Variants in MTMR3 observed in about 807,000 individuals in gnomAD.
The protein encoded by MTMR3 is myotubularin related protein 3.
Under a neutral mutation model 132.4 loss-of-function variants are expected in MTMR3, and 32 were observed. That is an observed-to-expected ratio of 0.24 (90% confidence interval 0.18 to 0.32). MTMR3 has a LOEUF of 0.32. Among genes scored for constraint, MTMR3 ranks in the 10% least tolerant of loss-of-function variants. MTMR3 has a pLI of 1.00. For missense variants in MTMR3, 1,216 were observed against 1,489.6 expected (o/e 0.82, Z 3.02); for synonymous variants, 556 against 550.3 (o/e 1.01, Z -0.14).
Position 30,026,667 on chromosome 22 carries a change from G to T in MTMR3, c.*866G>T, listed in dbSNP as rs147241655. On this transcript the variant is annotated 3_prime_UTR_variant, in exon 20 of 20. Transcript: ENST00000401950. ...AAGGCCAAAGCCTGCCCTGAGCCCA[G>T]ACACACCTGGGTCCCCATTCTGGGG... 6.7e-4 allele frequency: 102 copies of T among 152,974 alleles called. 1 individual carries two copies. In the East Asian group the frequency reaches 0.012, roughly 18 times the overall value. The allele number at this position is 152,974 out of a possible 1,614,324, so 9.5% of individuals were successfully genotyped here. A position where few individuals can be genotyped will look rare whatever the true frequency, so the allele number is the denominator to read the frequency against.
At chr22:29,906,047 G>T (rs186153665) in intron 1 of MTMR3, among the ~76,000 whole-genome samples, 6 of 152,086 alleles carry the variant, frequency 3.9e-5, no homozygotes, top group Admixed American at 3.9e-4. Context: ...TTGAGGTGGG[G>T]TTCTCATTGT....
rs200708562 is a variant in MTMR3 at position 29,988,553 on chromosome 22, A to G, written c.284A>G (p.Lys95Arg). The G allele has an allele frequency of 8.3e-5, 134 of 1,610,908 alleles. No individual in the cohort carries two copies. The highest frequency in any genetic ancestry group is 2.7e-4 in the East Asian group (12 of 44,790). Residue 95 changes from lysine to arginine, a missense_variant, in exon 6 of 20, where the codon AAA becomes AGA. Lys to Arg is a conservative substitution (Grantham distance 26). This residue lies in a region of MTMR3 where 129 missense variants were observed against 245.7 expected (regional missense o/e 0.53). Coordinates refer to ENST00000401950, the MANE Select transcript of MTMR3 (RefSeq NM_021090.4). ...CTTCATTTGACTTGCAAAGACTGCA[A>G]AGTTATCAGGTATGTGGTATGGTAT... ...FQLHLTCKDC[K>R]VIRCQFSTFE...
rs576368898 is a variant in MTMR3 at position 29,940,513 on chromosome 22, G to A, written c.-137-16523G>A. 5.3e-5 allele frequency among the ~76,000 whole-genome samples: 8 copies of A among 150,180 alleles called. No individual in the cohort carries two copies. The South Asian group carries it at 8.4e-4, about 16-fold the overall frequency. ...TGGTGGACTCTCTTCACACGGATGC[G>A]TGTGACAATGACTGTACTTTTAACA... On this transcript the variant is annotated intron_variant, in intron 1 of 19. Coordinates refer to ENST00000401950, the MANE Select transcript of MTMR3 (RefSeq NM_021090.4).
intron 1 of MTMR3, among the ~76,000 whole-genome samples, chr22:29,898,465 C>T (rs1348423895): frequency 2.0e-5 from 3 of 152,096 alleles, no homozygotes; most frequent in Non-Finnish European, 4.4e-5. Flanking sequence ...TGCAATGTTG[C>T]GATCACTGGT....
In MTMR3 at chr22:30,026,118, C is replaced by G. The variant is rs41171; in HGVS notation, c.*317C>G. ...GTAACTGCCGAGCTGCCTGCTGTCA[C>G]GTGACACTGAGGGATGGCTTGTTTC... is the stretch of plus-strand genomic sequence containing the variant. On this transcript the variant is annotated 3_prime_UTR_variant, in exon 20 of 20. Coordinates refer to ENST00000401950, the MANE Select transcript of MTMR3 (RefSeq NM_021090.4). 198,667 of 286,650 alleles carry G rather than the reference C, an allele frequency of 0.69. 70,835 individuals carry two copies. The highest frequency in any genetic ancestry group is 0.87 in the South Asian group (14,498 of 16,702). The allele number at this position is 286,650 out of a possible 1,614,324, so 17.8% of individuals were successfully genotyped here.
At chr22:29,967,190 CT>C (rs2066438322) in intron 2 of MTMR3, among the ~76,000 whole-genome samples, 2 of 102,506 alleles carry the variant, frequency 2.0e-5, no homozygotes, top group Admixed American at 2.3e-4. Flanking sequence ...CTCTTCACCT[CT>C]GTTGTGTGTG....
intron 6 of MTMR3, 172 bp from the exon 7 acceptor site, chr22:29,991,332 T>C (rs1375325993): frequency 1.9e-6 from 1 of 522,204 alleles, no homozygotes; most frequent in African/African-American, 2.0e-5. Context: ...TTGGCTAACA[T>C]TTGTTTTTCT....
At chr22:29,906,595 C>T (rs1401577281) in intron 1 of MTMR3, among the ~76,000 whole-genome samples, 3 of 152,022 alleles carry the variant, frequency 2.0e-5, no homozygotes, top group Admixed American at 6.6e-5. Context: ...CTCGGCCTCC[C>T]GAAGTGCTGG....
intron 1 of MTMR3, among the ~76,000 whole-genome samples, chr22:29,933,785 A>C (rs2065693345): frequency 7.1e-6 from 1 of 141,006 alleles, no homozygotes; most frequent in Non-Finnish European, 1.5e-5. Flanking sequence ...TGCCCAGTCT[A>C]GACTTGTACT....
At chr22:29,983,791 C>T (rs1020922285) in intron 5 of MTMR3, 1 of 152,036 alleles carries the variant, frequency 6.6e-6, no homozygotes, top group Non-Finnish European at 1.5e-5. Flanking sequence ...ACACATGCCA[C>T]CGCGTTCAGT....
At chr22:29,904,807 G>A (rs377269358) in intron 1 of MTMR3, among the ~76,000 whole-genome samples, 1 of 114,746 alleles carries the variant, frequency 8.7e-6, no homozygotes, top group Non-Finnish European at 1.9e-5. Context: ...GTTCAGAGGG[G>A]TATGTGTGTG....
chr22:29,933,111 G>T (rs2065677154), intron 1 of MTMR3, among the ~76,000 whole-genome samples: 1 of 152,096 alleles, frequency 6.6e-6, no homozygotes, highest in South Asian at 2.1e-4. Flanking sequence ...TGGGACTACA[G>T]GTGCGTGCCA....
chr22:29,912,007 G>A (rs1197926214), intron 1 of MTMR3, among the ~76,000 whole-genome samples: 4 of 152,150 alleles, frequency 2.6e-5, no homozygotes, highest in African/African-American at 9.7e-5. Flanking sequence ...ACATATAAAA[G>A]GGTCAGAAAG....
At chr22:29,893,578 A>G (rs371086578) in intron 1 of MTMR3, among the ~76,000 whole-genome samples, 7 of 152,186 alleles carry the variant, frequency 4.6e-5, no homozygotes, top group East Asian at 1.9e-4. Flanking sequence ...CAGTAAGTGT[A>G]ACTTTACAAT....
chr22:29,965,764 G>C (rs2066403827), intron 2 of MTMR3, among the ~76,000 whole-genome samples: 1 of 152,134 alleles, frequency 6.6e-6, no homozygotes, highest in Non-Finnish European at 1.5e-5. Flanking sequence ...ACTGCAGATT[G>C]AGAGTTTATT....
intron 3 of MTMR3, 84 bp downstream of exon 3, chr22:29,971,146 T>TA (rs1257904372): frequency 4.3e-6 from 6 of 1,385,276 alleles, no homozygotes; most frequent in African/African-American, 1.5e-5. Context: ...AATTCATACT[T>TA]ACCCATTTTT....
intron 2 of MTMR3, among the ~76,000 whole-genome samples, chr22:29,962,126 T>G (rs965230743): frequency 1.1e-4 from 16 of 152,264 alleles, no homozygotes; most frequent in African/African-American, 3.9e-4. Flanking sequence ...GAGAACTGTC[T>G]GGATAGACTT....
chr22:29,923,541 G>A (rs2065460972), intron 1 of MTMR3, among the ~76,000 whole-genome samples: 1 of 152,038 alleles, frequency 6.6e-6, no homozygotes, highest in Admixed American at 6.5e-5. Context: ...GTATGTATTG[G>A]CCTTTTGTGC....
chr22:29,884,649 G>A (rs1020952346), intron 1 of MTMR3, among the ~76,000 whole-genome samples: 1 of 132,802 alleles, frequency 7.5e-6, no homozygotes, highest in African/African-American at 2.8e-5. Flanking sequence ...TGCAACCTCC[G>A]CCTGCCAGGT....
Sources: gnomAD v4.1 joint callset for allele counts (sites outside exome capture counted in the v4.1 genomes callset) on GRCh38, gnomAD v4.1.1 for gene constraint, gnomAD v4.1.1 regional missense constraint, MANE v1.5 for transcripts, NCBI Gene and HGNC (gene_info 2026-07-23, HGNC 2026-07-21) for gene names.